The following BCAR1 variants were observed in gnomAD, a reference collection of about 807,000 sequenced individuals.
The protein encoded by BCAR1 is BCAR1 scaffold protein, Cas family member.
BCAR1 carries 30 observed loss-of-function variants against 67.6 expected under a neutral mutation model. That is an observed-to-expected ratio of 0.44 (90% CI 0.33 to 0.60). The LOEUF is 0.60. Ranked by LOEUF, BCAR1 falls within the 20% of genes least tolerant of loss-of-function variation. BCAR1 has a pLI of 0.02. For missense variants in BCAR1, 1,313 were observed against 1,222.3 expected (o/e 1.07, Z -1.11); for synonymous variants, 626 against 556.7 (o/e 1.12, Z -1.75).
In BCAR1 at chr16:75,237,348, G is replaced by T; in HGVS notation, c.634-4C>A. 1 of 1,457,100 alleles carries T rather than the reference G, an allele frequency of 6.9e-7. No individual in the cohort carries two copies. Among genetic ancestry groups the T allele is most frequent in the Non-Finnish European group, 9.0e-7 (1 of 1,106,310 alleles). 90.3% of individuals were successfully genotyped at this position (1,457,100 alleles called of 1,614,324 possible). On this transcript the variant is annotated splice_polypyrimidine_tract_variant and splice_region_variant and intron_variant, in intron 2 of 6. Transcript: ENST00000162330. ...CCACGCGGGTGGGCACCACCACCTG[G>T]GGGCAGAGAGCCGACTTCACTGCTG...
Position 75,235,596 on chromosome 16 carries a change from T to G in BCAR1, c.1303A>C (p.Thr435Pro), listed in dbSNP as rs377677505. Residue 435 changes from threonine (T) to proline (P), a missense_variant, in exon 5 of 7, where the codon ACA becomes CCA. This residue lies in a region of BCAR1 where 1,272 missense variants were observed against 1,137.5 expected (regional missense o/e 1.12). Coordinates refer to ENST00000162330, the MANE Select transcript of BCAR1 (RefSeq NM_014567.5). ...KRLSASSTGS[T>P]RSSQSASSLE... ...GAGGACGCAGACTGGCTGCTGCGTG[T>G]GCTGCCGGTGCTGGAGGCCGACAGG... The G allele has an allele frequency of 6.3e-7, 1 of 1,590,666 alleles. No individual in the cohort carries two copies. The highest frequency in any genetic ancestry group is 8.6e-7 in the Non-Finnish European group (1 of 1,168,176).
upstream of BCAR1, among the ~76,000 whole-genome samples, chr16:75,254,297 C>T (rs972414470): frequency 6.8e-4 from 103 of 152,316 alleles, no homozygotes; most frequent in African/African-American, 2.2e-3. Context: ...ACCCCTGTCA[C>T]ACTCAGACTG....
intron 1 of BCAR1, chr16:75,265,942 G>C (rs2078000967): frequency 9.2e-6 from 10 of 1,084,774 alleles, no homozygotes; most frequent in Non-Finnish European, 6.7e-6. Context: ...GGCGCTTTCC[G>C]GCTCCTCCGG....
Position 75,231,000 on chromosome 16 carries a change from T to A in BCAR1, c.2101-977A>T, listed in dbSNP as rs534154023. On this transcript the variant is annotated intron_variant, in intron 6 of 6. Transcript: ENST00000162330. ...GGGAAGTCCAGGCTGCAGTGAGCCC[T>A]GACAGAGCACAGGCAACAAGCTTTG... Among the ~76,000 whole-genome samples, 7 of 151,050 alleles carry A rather than the reference T, an allele frequency of 4.6e-5. 1 individual carries two copies. In the South Asian group the frequency reaches 1.5e-3, roughly 32 times the overall value.
At chr16:75,265,876 A>T (rs1261479350) in intron 1 of BCAR1, 2 of 1,153,668 alleles carry the variant, frequency 1.7e-6, no homozygotes, top group Non-Finnish European at 2.1e-6. Context: ...CAGCGGCGCC[A>T]GCGGGCTGGG....
At chr16:75,250,633 C>T (rs2077651472) in intron 1 of BCAR1, 2 of 985,516 alleles carry the variant, frequency 2.0e-6, no homozygotes, top group Non-Finnish European at 2.4e-6. Context: ...TCACCCCGCA[C>T]CCCTAGGCAA....
In BCAR1 at chr16:75,234,055, ACACACG is replaced by A. The variant is rs1476176027; in HGVS notation, c.2011-126_2011-121del. 6 of 854,654 alleles carry A rather than the reference ACACACG, an allele frequency of 7.0e-6. No individual in the cohort carries two copies. The East Asian group carries it at 8.0e-5, about 11-fold the overall frequency. 52.9% of individuals were successfully genotyped at this position (854,654 alleles called of 1,614,324 possible). A position where few individuals can be genotyped will look rare whatever the true frequency, so the allele number is the denominator to read the frequency against. The stretch of plus-strand genomic sequence containing the variant: ...CAGGTGGTGCTGCGTGTGCGCGCAC[ACACACG>A]CACACGTGGACGCACACACACACTA... On this transcript the variant is annotated intron_variant, in intron 5 of 6. Coordinates refer to ENST00000162330, the MANE Select transcript of BCAR1 (RefSeq NM_014567.5).
chr16:75,239,709 C>G (rs1334802655), intron 2 of BCAR1, among the ~76,000 whole-genome samples: 1 of 152,194 alleles, frequency 6.6e-6, no homozygotes, highest in Non-Finnish European at 1.5e-5. Context: ...CAGGACACAC[C>G]CCAGCATGAG....
chr16:75,255,357 G>A (rs930026776), upstream of BCAR1, among the ~76,000 whole-genome samples: 1 of 152,138 alleles, frequency 6.6e-6, no homozygotes, highest in African/African-American at 2.4e-5. Flanking sequence ...CCAGGAACAG[G>A]AAGAAACGGT....
intron 6 of BCAR1, among the ~76,000 whole-genome samples, chr16:75,230,428 T>A (rs2076864098): frequency 6.6e-6 from 1 of 152,146 alleles, no homozygotes; most frequent in Non-Finnish European, 1.5e-5. Flanking sequence ...TTCCTGTGAA[T>A]CTATAAATAT....
At position 75,229,837 on chromosome 16, in the gene BCAR1, C is replaced by A. The variant is rs1256304532; in HGVS notation, c.2287G>T (p.Asp763Tyr). Residue 763 changes from aspartate (D) to tyrosine (Y), a missense_variant, in exon 7 of 7, where the codon GAC becomes TAC. Asp to Tyr is a radical substitution (Grantham distance 160). Transcript: ENST00000162330. The part of the protein sequence containing the change: ...ANLTTLTNAV[D>Y]AFFTAVATNQ... ...GTGGCCACGGCGGTAAAGAAGGCGT[C>A]CACGGCGTTGGTCAGTGTGGTCAGG... The A allele has an allele frequency of 1.2e-6, 2 of 1,613,422 alleles. No homozygotes were observed. Among genetic ancestry groups the A allele is most frequent in the Non-Finnish European group, 1.7e-6 (2 of 1,179,998 alleles).
chr16:75,237,962 C>T, intron 2 of BCAR1: 1 of 1,135,344 alleles, frequency 8.8e-7, no homozygotes, highest in Admixed American at 2.4e-5. Context: ...GGGACCAAGG[C>T]CCCCTCCCTG....
At chr16:75,243,193 T>A in intron 1 of BCAR1, 103 bp from the exon 2 acceptor site, 1 of 1,227,810 alleles carries the variant, frequency 8.1e-7, no homozygotes, top group Non-Finnish European at 1.1e-6. Context: ...GCTTTGATAC[T>A]AGGAAAAGAA....
At chr16:75,261,905 A>G (rs1477212962) in intron 1 of BCAR1, among the ~76,000 whole-genome samples, 2 of 152,140 alleles carry the variant, frequency 1.3e-5, no homozygotes, top group Admixed American at 6.5e-5. Context: ...TGAAGACAAT[A>G]ATCTCCACAG....
upstream of BCAR1, chr16:75,256,153 G>C (rs2077769058): frequency 6.6e-6 from 1 of 152,594 alleles, no homozygotes; most frequent in Admixed American, 6.5e-5. Context: ...TGGAGGCAGA[G>C]AGAGGGGCAA....
chr16:75,252,745 C>G (rs2077705843), upstream of BCAR1, among the ~76,000 whole-genome samples: 1 of 152,232 alleles, frequency 6.6e-6, no homozygotes, highest in South Asian at 2.1e-4. Flanking sequence ...AAGACACAAG[C>G]CCAGGTGGGC....
At chr16:75,233,391 AG>A (rs2076970144) in intron 6 of BCAR1, among the ~76,000 whole-genome samples, 2 of 152,048 alleles carry the variant, frequency 1.3e-5, no homozygotes, top group African/African-American at 2.4e-5. Flanking sequence ...AAAAATACTA[AG>A]GAAGTGTGGG....
chr16:75,267,471 C>G (rs2078025745), intron 1 of BCAR1, among the ~76,000 whole-genome samples: 2 of 152,092 alleles, frequency 1.3e-5, no homozygotes, highest in Non-Finnish European at 2.9e-5. Flanking sequence ...GCACGTGGCC[C>G]TGCCCGTGCC....
At chr16:75,231,985 G>T (rs1006168285) in intron 6 of BCAR1, among the ~76,000 whole-genome samples, 3 of 152,098 alleles carry the variant, frequency 2.0e-5, no homozygotes, top group Non-Finnish European at 4.4e-5. Context: ...GGGTTCAAGC[G>T]ATTCTCCTGC....
Sources: allele counts gnomAD v4.1 joint callset (sites outside exome capture counted in the v4.1 genomes callset), GRCh38; gene constraint gnomAD v4.1.1; regional missense constraint gnomAD v4.1.1; transcripts MANE v1.5; gene names NCBI Gene and HGNC (gene_info 2026-07-23, HGNC 2026-07-21).